IPO11: variants seen among roughly 807,000 people sequenced by gnomAD.
The protein encoded by IPO11 is importin 11.
Under a neutral mutation model 143.2 loss-of-function variants are expected in IPO11, and 66 were observed. That is an observed-to-expected ratio of 0.46 (90% CI 0.38 to 0.57). The LOEUF is 0.57. Among genes scored for constraint, IPO11 ranks in the 20% least tolerant of loss-of-function variants. The pLI is 0.00. For missense variants in IPO11, 1,026 were observed against 1,141.0 expected (o/e 0.90, Z 1.45); for synonymous variants, 385 against 377.8 (o/e 1.02, Z -0.22).
rs781637680 is a variant in IPO11, at chr5:62,493,979, A to G, written c.1464-19A>G. ...TTAAAATATTTAACATTTTAATTTC[A>G]TGATTTTTTCCTGTTTAGGTATAAG... is the stretch of plus-strand genomic sequence containing the variant. On this transcript the variant is annotated intron_variant, in intron 15 of 29. Coordinates refer to ENST00000325324, the MANE Select transcript of IPO11 (RefSeq NM_016338.5). 11 of 1,589,730 alleles carry G rather than the reference A, an allele frequency of 6.9e-6. No individual in the cohort carries two copies. Among genetic ancestry groups the G allele is most frequent in the Admixed American group, 1.8e-5 (1 of 54,998 alleles).
chr5:62,566,789 A>G (rs1453537272), intron 27 of IPO11, among the ~76,000 whole-genome samples: 2 of 151,908 alleles, frequency 1.3e-5, no homozygotes, highest in Non-Finnish European at 1.5e-5. Flanking sequence ...TATGAGTGAT[A>G]TAGTCACAAT....
At chr5:62,586,762 A>ATATAT (rs1273896271) in intron 27 of IPO11, among the ~76,000 whole-genome samples, 97 of 86,364 alleles carry the variant, frequency 1.1e-3, no homozygotes, top group South Asian at 1.8e-3. Context: ...CAAAAAAAAA[A>ATATAT]AAAAAAATAT....
chr5:62,597,256 TA>T (rs1298311392), intron 28 of IPO11, among the ~76,000 whole-genome samples: 1 of 151,796 alleles, frequency 6.6e-6, no homozygotes, highest in Admixed American at 6.6e-5. Context: ...ATTACCAGGA[TA>T]AAAAAAAGAA....
chr5:62,568,516 G>T (rs1258694839), intron 27 of IPO11, among the ~76,000 whole-genome samples: 1 of 143,898 alleles, frequency 6.9e-6, no homozygotes, highest in Non-Finnish European at 1.5e-5. Context: ...AGAGGTTGCA[G>T]TGGGTCGAGA....
intron 27 of IPO11, among the ~76,000 whole-genome samples, chr5:62,572,560 T>C (rs1358529078): frequency 1.3e-5 from 2 of 149,894 alleles, no homozygotes; most frequent in African/African-American, 4.9e-5. Flanking sequence ...TTTATTTATT[T>C]ATTTATTTAT....
At chr5:62,499,161 G>A (rs1262683857) in intron 16 of IPO11, among the ~76,000 whole-genome samples, 3 of 152,068 alleles carry the variant, frequency 2.0e-5, no homozygotes, top group African/African-American at 7.2e-5. Context: ...GTCCTTAGGC[G>A]ATTTCCTCAT....
At chr5:62,447,790 T>C (rs1744772911) in intron 3 of IPO11, among the ~76,000 whole-genome samples, 1 of 152,144 alleles carries the variant, frequency 6.6e-6, no homozygotes, top group Admixed American at 6.5e-5. Context: ...TTTCGCCATG[T>C]TGATCAGACT....
At chr5:62,597,290 T>C (rs1408808407) in intron 28 of IPO11, among the ~76,000 whole-genome samples, 1 of 152,204 alleles carries the variant, frequency 6.6e-6, no homozygotes, top group East Asian at 1.9e-4. Context: ...ACATGGGTCT[T>C]ATTTTCAAGT....
At chr5:62,625,125 A>G (rs757439224) in intron 29 of IPO11, among the ~76,000 whole-genome samples, 15 of 152,200 alleles carry the variant, frequency 9.9e-5, no homozygotes, top group Non-Finnish European at 1.8e-4. Context: ...TAACAAGGAA[A>G]ATGAAAGATT....
intron 29 of IPO11, among the ~76,000 whole-genome samples, chr5:62,610,933 G>C (rs188147033): frequency 1.3e-5 from 2 of 152,000 alleles, no homozygotes; most frequent in East Asian, 3.9e-4. Context: ...TTATTACCAG[G>C]CCAGTTTCTT....
At chr5:62,502,505 C>G (rs920796809) in intron 16 of IPO11, among the ~76,000 whole-genome samples, 5 of 152,184 alleles carry the variant, frequency 3.3e-5, no homozygotes, top group African/African-American at 9.7e-5. Flanking sequence ...CCTTAAAAGT[C>G]TGTGTTTTTT....
At chr5:62,443,634 A>G (rs1172861492) in intron 3 of IPO11, among the ~76,000 whole-genome samples, 1 of 148,242 alleles carries the variant, frequency 6.7e-6, no homozygotes, top group Non-Finnish European at 1.5e-5. Flanking sequence ...TAGGATTTGG[A>G]AGAAAAAAAA....
intron 16 of IPO11, among the ~76,000 whole-genome samples, chr5:62,500,588 C>T (rs1464401316): frequency 6.6e-6 from 1 of 152,154 alleles, no homozygotes; most frequent in Non-Finnish European, 1.5e-5. Flanking sequence ...GCCTTGAATT[C>T]CTGGGCTCAA....
At chr5:62,424,917 A>G (rs1743668692) in intron 1 of IPO11, among the ~76,000 whole-genome samples, 1 of 152,210 alleles carries the variant, frequency 6.6e-6, no homozygotes, top group African/African-American at 2.4e-5. Context: ...TACCTTGAGT[A>G]GAACTCAAAA....
intron 16 of IPO11, among the ~76,000 whole-genome samples, chr5:62,503,194 A>G (rs1370892659): frequency 2.0e-5 from 3 of 151,908 alleles, no homozygotes; most frequent in Non-Finnish European, 4.4e-5. Flanking sequence ...TTGTACTTGT[A>G]TATTCACTCA....
At chr5:62,417,010 T>C (rs1472369483) in intron 1 of IPO11, among the ~76,000 whole-genome samples, 1 of 152,132 alleles carries the variant, frequency 6.6e-6, no homozygotes, top group East Asian at 1.9e-4. Flanking sequence ...ATTGGAATTA[T>C]ATGGGTGAGC....
chr5:62,510,948 G>A (rs1741728851), intron 19 of IPO11, among the ~76,000 whole-genome samples: 1 of 152,110 alleles, frequency 6.6e-6, no homozygotes, highest in Non-Finnish European at 1.5e-5. Flanking sequence ...GGCCAGGCTG[G>A]TTTTGAACTC....
chr5:62,454,504 C>T (rs1745056162), intron 5 of IPO11, among the ~76,000 whole-genome samples: 1 of 152,112 alleles, frequency 6.6e-6, no homozygotes, highest in Non-Finnish European at 1.5e-5. Flanking sequence ...TAATATGTTG[C>T]CTTACAGGTA....
At chr5:62,514,166 C>T (rs1044181246) in intron 19 of IPO11, among the ~76,000 whole-genome samples, 20 of 151,068 alleles carry the variant, frequency 1.3e-4, no homozygotes, top group African/African-American at 4.4e-4. Context: ...CAGGCAGAGA[C>T]GCTCCTCACT....
Sources: gnomAD v4.1 joint callset for allele counts (sites outside exome capture counted in the v4.1 genomes callset) on GRCh38, gnomAD v4.1.1 for gene constraint, MANE v1.5 for transcripts, NCBI Gene and HGNC (gene_info 2026-07-23, HGNC 2026-07-21) for gene names.